TENM1: variants seen among roughly 807,000 people sequenced by gnomAD.
TENM1 encodes the protein teneurin transmembrane protein 1, also known as teneurin-1.
In TENM1, 35 loss-of-function variants were observed where a neutral mutation model predicts 174.8. The ratio of observed to expected loss-of-function variants is 0.20; its 90% CI spans 0.15 to 0.27. The LOEUF (loss-of-function observed/expected upper bound fraction) is 0.27. Among genes scored for constraint, TENM1 ranks in the 10% least tolerant of loss-of-function variants. The pLI is 1.00. For missense variants in TENM1, 1,633 were observed against 2,130.1 expected, an observed-to-expected ratio of 0.77 and a Z score of 4.59; for synonymous variants, 781 against 798.7, an observed-to-expected ratio of 0.98 and a Z score of 0.37.
In TENM1 at chrX:124,814,701, T is replaced by C. The variant is rs1451607998; in HGVS notation, c.536-77504A>G. On this transcript the variant is annotated intron_variant, in intron 3 of 31. Coordinates refer to ENST00000422452, the Ensembl canonical transcript of TENM1. ...GTTCCATTAGTCTCCCTGTTTTAATTTATATTTCCACTTTCCTGGTTAGAC... is the reference window on the plus strand; with the variant it reads ...GTTCCATTAGTCTCCCTGTTTTAATCTATATTTCCACTTTCCTGGTTAGAC... 6.3e-5 allele frequency among the ~76,000 whole-genome samples: 7 copies of C among 111,446 alleles called. No homozygotes were observed. In the Admixed American group the frequency reaches 6.7e-4, roughly 11 times the overall value.
chrX:124,583,294 G>A (rs1157933988), intron 11 of TENM1, among the ~76,000 whole-genome samples: 1 of 111,508 alleles, frequency 9.0e-6, no homozygotes, highest in Non-Finnish European at 1.9e-5. Flanking sequence ...CCCAGTAGGG[G>A]CAGACTGACA....
chrX:124,663,713 A>T lies in TENM1; in HGVS notation c.1168+7970T>A, dbSNP rs73543967. 9.1e-3 allele frequency among the ~76,000 whole-genome samples: 996 copies of T among 109,913 alleles called. 10 individuals are homozygous for T. Among genetic ancestry groups the T allele is most frequent in the African/African-American group, 0.032 (955 of 30,102 alleles). On this transcript the variant is annotated intron_variant, in intron 6 of 31. Coordinates refer to ENST00000422452, the Ensembl canonical transcript of TENM1. ...TTAGACTAGAGGGACCACAAGACAG[A>T]CCTATTTCTTACTGCATCACAGGAA...
chrX:125,117,593 G>A, the TENM1 span, among the ~76,000 whole-genome samples: 2 of 110,998 alleles, frequency 1.8e-5, no homozygotes, highest in East Asian at 2.8e-4. Flanking sequence ...GGGGAAATAC[G>A]TAATGCAGAT....
At chrX:124,639,918 T>A (rs1231319733) in intron 11 of TENM1, among the ~76,000 whole-genome samples, 1 of 110,683 alleles carries the variant, frequency 9.0e-6, no homozygotes, top group Non-Finnish European at 1.9e-5. Flanking sequence ...AAACTTTCCC[T>A]TTGTAACCTT....
At chrX:125,144,833 G>A in the TENM1 span, among the ~76,000 whole-genome samples, 597 of 109,941 alleles carry the variant, frequency 5.4e-3, 18 homozygotes, top group East Asian at 0.12. Context: ...CGCCTCCCGG[G>A]TTCAAGCGAT....
At chrX:124,910,789 C>T (rs976060965) in intron 1 of TENM1, among the ~76,000 whole-genome samples, 1 of 111,612 alleles carries the variant, frequency 9.0e-6, no homozygotes. Context: ...TTCCCCCTTT[C>T]TTGTTCAAAT....
chrX:124,957,171 A>T (rs2058585858), intron 1 of TENM1, among the ~76,000 whole-genome samples: 1 of 109,717 alleles, frequency 9.1e-6, no homozygotes, highest in African/African-American at 3.5e-5. Context: ...GCATAAGTGT[A>T]TAAATGAACA....
At chrX:125,085,805 A>T in the TENM1 span, among the ~76,000 whole-genome samples, 1 of 110,641 alleles carries the variant, frequency 9.0e-6, no homozygotes, top group Admixed American at 9.7e-5. Flanking sequence ...TTGCCTTTTC[A>T]TTCTGATAAT....
the TENM1 span, among the ~76,000 whole-genome samples, chrX:125,119,614 C>A: frequency 1.8e-5 from 2 of 110,493 alleles, no homozygotes; most frequent in Non-Finnish European, 3.8e-5. Context: ...ATGAAGAATA[C>A]CTTCCAAGTT....
chrX:124,831,900 T>C (rs773296248), intron 3 of TENM1, among the ~76,000 whole-genome samples: 24 of 112,115 alleles, frequency 2.1e-4, no homozygotes, highest in African/African-American at 6.8e-4. Flanking sequence ...ACTAGCACTT[T>C]GTCACGGGGC....
At chrX:124,777,433 G>A (rs945708437) in intron 3 of TENM1, among the ~76,000 whole-genome samples, 27 of 111,587 alleles carry the variant, frequency 2.4e-4, no homozygotes, top group African/African-American at 8.5e-4. Context: ...GGAGTACTTT[G>A]TCAAGTATTC....
chrX:124,466,529 T>TA (rs1275360981), intron 22 of TENM1, among the ~76,000 whole-genome samples: 1 of 112,012 alleles, frequency 8.9e-6, no homozygotes, highest in Admixed American at 9.5e-5. Flanking sequence ...TATTTTTTTT[T>TA]AACATTCAAT....
At chrX:124,479,052 G>A (rs1021510527) in intron 22 of TENM1, among the ~76,000 whole-genome samples, 3 of 112,451 alleles carry the variant, frequency 2.7e-5, no homozygotes, top group African/African-American at 9.7e-5. Context: ...TCAGCATGGA[G>A]ATAGGTGCCA....
In TENM1 at chrX:124,516,613, C is replaced by T. The variant is rs1456122128; in HGVS notation, c.3301+3904G>A. Among the ~76,000 whole-genome samples the T allele has an allele frequency of 1.7e-4, 19 of 111,726 alleles. No homozygotes were observed. The Admixed American group carries it at 1.8e-3, about 11-fold the overall frequency. Reference sequence around the variant, plus strand: ...GCATATTTAAAAAAGCTCAATATCACCCATCATCAGAGAAATGCAAATTTT... The same window carrying T: ...GCATATTTAAAAAAGCTCAATATCATCCATCATCAGAGAAATGCAAATTTT... On this transcript the variant is annotated intron_variant, in intron 18 of 31. Coordinates refer to ENST00000422452, the Ensembl canonical transcript of TENM1.
At chrX:124,444,902 G>T (rs2060949514) in intron 23 of TENM1, among the ~76,000 whole-genome samples, 1 of 111,549 alleles carries the variant, frequency 9.0e-6, no homozygotes, top group Admixed American at 9.5e-5. Flanking sequence ...GCTGTCACGT[G>T]GAGGAGGCAG....
the TENM1 span, among the ~76,000 whole-genome samples, chrX:125,063,614 A>T: frequency 8.9e-6 from 1 of 111,985 alleles, no homozygotes; most frequent in Non-Finnish European, 1.9e-5. Flanking sequence ...ACAATGAGAT[A>T]CCATCTCACA....
intron 23 of TENM1, among the ~76,000 whole-genome samples, chrX:124,424,626 T>C (rs2147757956): frequency 8.9e-6 from 1 of 111,893 alleles, no homozygotes; most frequent in East Asian, 2.8e-4. Context: ...TGATATGGTT[T>C]GGATCTGTGT....
intron 1 of TENM1, among the ~76,000 whole-genome samples, chrX:124,914,428 T>C (rs1372525807): frequency 2.7e-5 from 3 of 111,473 alleles, no homozygotes; most frequent in Non-Finnish European, 5.7e-5. Flanking sequence ...ATTTGATGAA[T>C]GGGTAAGGCT....
chrX:124,767,575 G>A (rs367641028), intron 3 of TENM1, among the ~76,000 whole-genome samples: 7 of 110,792 alleles, frequency 6.3e-5, no homozygotes, highest in South Asian at 3.8e-4. Context: ...TTTTTACACC[G>A]AAGGCTTTAT....
Sources: allele counts gnomAD v4.1 joint callset (sites outside exome capture counted in the v4.1 genomes callset), GRCh38; gene constraint gnomAD v4.1.1; transcripts MANE v1.5; gene names NCBI Gene and HGNC (gene_info 2026-07-23, HGNC 2026-07-21).